DLC1: variants seen among roughly 807,000 people sequenced by gnomAD.
DLC1 encodes DLC1 Rho GTPase activating protein.
A neutral mutation model predicts 140.3 loss-of-function variants in DLC1; 54 were observed. That is an observed-to-expected ratio of 0.38 (90% CI 0.31 to 0.48). The LOEUF is 0.48. Ranked by LOEUF, DLC1 falls within the 20% of genes least tolerant of loss-of-function variation. The pLI, the probability that DLC1 is intolerant of heterozygous loss-of-function variation, is 0.96. For missense variants in DLC1, 2,536 were observed against 1,907.0 expected (o/e 1.33, Z -6.14); for synonymous variants, 986 against 728.1 (o/e 1.35, Z -5.70).
chr8:13,471,235 C>T (rs974397390), intron 2 of DLC1, among the ~76,000 whole-genome samples: 2 of 150,522 alleles, frequency 1.3e-5, no homozygotes, highest in Non-Finnish European at 2.9e-5. Flanking sequence ...AACGTACAGC[C>T]GTGTGAAAAT....
intron 2 of DLC1, among the ~76,000 whole-genome samples, chr8:13,489,849 T>TATA (rs958692095): frequency 1.3e-5 from 2 of 152,242 alleles, no homozygotes; most frequent in African/African-American, 4.8e-5. Flanking sequence ...TATTTTCAGA[T>TATA]ATAATAATTC....
chr8:13,558,878 C>T (rs73665144), intron 1 of DLC1: 20 of 152,202 alleles, frequency 1.3e-4, no homozygotes, highest in African/African-American at 4.1e-4. Context: ...TACTTCAAGC[C>T]TTTTATCTCT....
At chr8:13,391,938 A>T (rs545087271) in intron 4 of DLC1, among the ~76,000 whole-genome samples, 62 of 152,212 alleles carry the variant, frequency 4.1e-4, no homozygotes, top group Middle Eastern at 3.4e-3. Flanking sequence ...TGATTTTCAA[A>T]ACCTTCAAGT....
At position 13,086,131 on chromosome 8, in the gene DLC1, A is replaced by G. The variant is rs78127108; in HGVS notation, c.4466+159T>C. The G allele has an allele frequency of 5.6e-3, 7,443 of 1,326,194 alleles. 324 individuals are homozygous for G. The African/African-American group carries it at 0.097, about 17-fold the overall frequency. The allele number at this position is 1,326,194 out of a possible 1,614,324, so 82.2% of individuals were successfully genotyped here. A position where few individuals can be genotyped will look rare whatever the true frequency, so the allele number is the denominator to read the frequency against. ...AACCAAATTACGAAGTGGTCGCTGA[A>G]AGACCAACAAACATGAAATGCTACT... On this transcript the variant is annotated intron_variant, in intron 17 of 17. Coordinates refer to ENST00000276297, the MANE Select transcript of DLC1 (RefSeq NM_182643.3).
intron 4 of DLC1, among the ~76,000 whole-genome samples, chr8:13,386,259 A>T (rs546456278): frequency 3.9e-5 from 6 of 152,128 alleles, no homozygotes; most frequent in African/African-American, 1.4e-4. Context: ...CTAATCTATC[A>T]TTCTTATGTG....
intron 1 of DLC1, among the ~76,000 whole-genome samples, chr8:13,598,095 A>C (rs1019518806): frequency 1.3e-4 from 17 of 132,198 alleles, no homozygotes; most frequent in African/African-American, 4.6e-4. Context: ...CCAGCAGAGA[A>C]GTTTATTTTC....
rs1438963359 is a variant in DLC1 at position 13,178,720 on chromosome 8, A to T, written c.1349-63063T>A. Among the ~76,000 whole-genome samples, 3 of 152,150 alleles carry T rather than the reference A, an allele frequency of 2.0e-5. No individual in the cohort carries two copies. The East Asian group carries it at 5.8e-4, about 29-fold the overall frequency. On this transcript the variant is annotated intron_variant, in intron 5 of 17. Transcript: ENST00000276297. Reference sequence around the variant, plus strand: ...CCCAATTTATAAAGAACTCCTAAAAATCAGTAGAAAAAAGACAGATAATCC... The same window carrying T: ...CCCAATTTATAAAGAACTCCTAAAATTCAGTAGAAAAAAGACAGATAATCC...
chr8:13,170,574 C>T (rs919935235), intron 5 of DLC1, among the ~76,000 whole-genome samples: 5 of 151,818 alleles, frequency 3.3e-5, no homozygotes, highest in African/African-American at 1.2e-4. Context: ...ACTAAAAATA[C>T]AAAAAATTAG....
chr8:13,190,807 T>G (rs950337696), intron 5 of DLC1, among the ~76,000 whole-genome samples: 4 of 152,134 alleles, frequency 2.6e-5, no homozygotes, highest in African/African-American at 9.7e-5. Flanking sequence ...AGAGTGATGC[T>G]GACCTCACCT....
intron 2 of DLC1, among the ~76,000 whole-genome samples, chr8:13,419,521 G>T (rs1838215711): frequency 6.6e-6 from 1 of 152,104 alleles, no homozygotes; most frequent in South Asian, 2.1e-4. Flanking sequence ...TACATTTATT[G>T]ATTTGCGTAT....
chr8:13,510,839 C>T (rs947385464), intron 1 of DLC1, among the ~76,000 whole-genome samples: 2 of 152,072 alleles, frequency 1.3e-5, no homozygotes, highest in Admixed American at 1.3e-4. Flanking sequence ...AACCTCTGGC[C>T]CCAGGCTCTG....
chr8:13,329,263 G>T (rs2116936748), intron 4 of DLC1, among the ~76,000 whole-genome samples: 1 of 152,246 alleles, frequency 6.6e-6, no homozygotes, highest in African/African-American at 2.4e-5. Flanking sequence ...ATGACTATCT[G>T]CTGGTCCTAT....
At chr8:13,516,851 A>G (rs1802605070), upstream of DLC1, among the ~76,000 whole-genome samples, 1 of 152,138 alleles carries the variant, frequency 6.6e-6, no homozygotes, top group Non-Finnish European at 1.5e-5. Flanking sequence ...AAGTATTGAG[A>G]AGCAATTTTC....
At chr8:13,419,779 G>A (rs1585076794) in intron 2 of DLC1, among the ~76,000 whole-genome samples, 1 of 152,302 alleles carries the variant, frequency 6.6e-6, no homozygotes, top group East Asian at 1.9e-4. Flanking sequence ...AATAGTTTCA[G>A]AAGGAATGGT....
intron 5 of DLC1, among the ~76,000 whole-genome samples, chr8:13,175,431 G>C (rs1284678780): frequency 1.3e-5 from 2 of 151,466 alleles, no homozygotes; most frequent in Non-Finnish European, 2.9e-5. Context: ...AAATAGCACT[G>C]AATCTGAAAG....
At chr8:13,555,459 T>C (rs1804009651) in intron 1 of DLC1, among the ~76,000 whole-genome samples, 1 of 152,162 alleles carries the variant, frequency 6.6e-6, no homozygotes, top group Non-Finnish European at 1.5e-5. Flanking sequence ...AATAGGTGGC[T>C]TTCATTTTAT....
chr8:13,393,188 C>A (rs1466999116), intron 4 of DLC1, among the ~76,000 whole-genome samples: 3 of 152,106 alleles, frequency 2.0e-5, no homozygotes, highest in African/African-American at 7.2e-5. Flanking sequence ...TATCATTCAT[C>A]ACATCTTAGA....
At chr8:13,477,357 A>G (rs1354932082) in intron 2 of DLC1, among the ~76,000 whole-genome samples, 2 of 152,194 alleles carry the variant, frequency 1.3e-5, no homozygotes, top group Non-Finnish European at 2.9e-5. Context: ...GTGTGAGGTA[A>G]TCAGGTATGT....
Position 13,227,390 on chromosome 8 carries a change from G to C in DLC1, c.1348+77879C>G, listed in dbSNP as rs1198886931. 2.0e-5 allele frequency among the ~76,000 whole-genome samples: 3 copies of C among 152,162 alleles called. No individual in the cohort carries two copies. In the East Asian group the frequency reaches 5.8e-4, roughly 29 times the overall value. ...ATGCAGCAGAATCCTATAAACTGGA[G>C]AGACTTGGATTGGGAATCTTAGTAG... On this transcript the variant is annotated intron_variant, in intron 5 of 17. Transcript: ENST00000276297.
Sources: gnomAD v4.1 joint callset for allele counts (sites outside exome capture counted in the v4.1 genomes callset) on GRCh38, gnomAD v4.1.1 for gene constraint, MANE v1.5 for transcripts, NCBI Gene and HGNC (gene_info 2026-07-23, HGNC 2026-07-21) for gene names.